Variants in LRRTM4 observed in about 807,000 individuals in gnomAD.
The protein encoded by LRRTM4 is leucine rich repeat transmembrane neuronal 4.
A neutral mutation model predicts 47.6 loss-of-function variants in LRRTM4; 25 were observed. The ratio of observed to expected loss-of-function variants is 0.53; its 90% confidence interval spans 0.38 to 0.73. The LOEUF is 0.73. Among genes scored for constraint, LRRTM4 ranks in the 30% least tolerant of loss-of-function variants. The pLI, the probability that LRRTM4 is intolerant of heterozygous loss-of-function variation, is 0.00. For synonymous variants in LRRTM4, 311 were observed against 269.5 expected (o/e 1.15, Z -1.51); for missense variants, 638 against 713.4 (o/e 0.89, Z 1.20).
chr2:77,391,836 A>T (rs1378493850), intron 3 of LRRTM4, among the ~76,000 whole-genome samples: 1 of 151,976 alleles, frequency 6.6e-6, no homozygotes, highest in South Asian at 2.1e-4. Flanking sequence ...ATTAACTGGC[A>T]TTTTCATTAA....
intron 3 of LRRTM4, among the ~76,000 whole-genome samples, chr2:77,209,141 G>A (rs1450166096): frequency 6.6e-6 from 1 of 152,030 alleles, no homozygotes; most frequent in Non-Finnish European, 1.5e-5. Context: ...GACTTTGAAT[G>A]GTTATCAAGA....
intron 3 of LRRTM4, among the ~76,000 whole-genome samples, chr2:77,092,023 G>T (rs1202194115): frequency 6.6e-6 from 1 of 152,012 alleles, no homozygotes; most frequent in East Asian, 1.9e-4. Context: ...ATGTCTGCGT[G>T]CAGCGGCTGC....
At chr2:77,325,262 T>C (rs1425379703) in intron 3 of LRRTM4, among the ~76,000 whole-genome samples, 2 of 152,144 alleles carry the variant, frequency 1.3e-5, no homozygotes, top group Admixed American at 6.6e-5. Flanking sequence ...AAAAAAAAGA[T>C]AGTTGAGCAC....
intron 3 of LRRTM4, among the ~76,000 whole-genome samples, chr2:76,832,644 C>T (rs1671388126): frequency 6.6e-6 from 1 of 151,834 alleles, no homozygotes; most frequent in Non-Finnish European, 1.5e-5. Context: ...ATCTCCATAC[C>T]TAGAGATTGA....
At chr2:77,438,377 G>T (rs997564560) in intron 3 of LRRTM4, among the ~76,000 whole-genome samples, 2 of 146,036 alleles carry the variant, frequency 1.4e-5, no homozygotes, top group African/African-American at 5.1e-5. Flanking sequence ...CTACATTTTC[G>T]CTCTCGATCA....
intron 3 of LRRTM4, among the ~76,000 whole-genome samples, chr2:76,830,218 A>C (rs1490732451): frequency 6.6e-6 from 1 of 152,040 alleles, no homozygotes; most frequent in Non-Finnish European, 1.5e-5. Flanking sequence ...AAGATGTTAC[A>C]TTTTCCTTAC....
At chr2:76,955,717 G>A (rs1675651038) in intron 3 of LRRTM4, among the ~76,000 whole-genome samples, 1 of 151,720 alleles carries the variant, frequency 6.6e-6, no homozygotes, top group African/African-American at 2.4e-5. Context: ...AGAAGAAGAT[G>A]CAGGATCTCA....
Position 77,292,270 on chromosome 2 carries a change from A to C in LRRTM4, c.1551+226048T>G, listed in dbSNP as rs1188175720. ...GGTGGGACTGTAAACTAGTTCAACC[A>C]TTGTGGAAGTCAGTGTGGTGATTCC... On this transcript the variant is annotated intron_variant, in intron 3 of 3. Transcript: ENST00000409884. 4.6e-3 allele frequency among the ~76,000 whole-genome samples: 700 copies of C among 150,564 alleles called. 3 individuals carry two copies. Among genetic ancestry groups the C allele is most frequent in the African/African-American group, 0.016 (640 of 40,836 alleles).
intron 3 of LRRTM4, among the ~76,000 whole-genome samples, chr2:77,305,766 G>A (rs1431875185): frequency 1.3e-5 from 2 of 151,984 alleles, no homozygotes; most frequent in African/African-American, 4.8e-5. Flanking sequence ...TGAGAAATGT[G>A]CAAAGTATTA....
intron 3 of LRRTM4, among the ~76,000 whole-genome samples, chr2:77,016,941 T>C (rs560213818): frequency 4.3e-4 from 66 of 152,180 alleles, no homozygotes; most frequent in African/African-American, 1.4e-3. Context: ...TATTTGCCTG[T>C]AGTTAGGGTC....
At position 76,807,396 on chromosome 2, in the gene LRRTM4, A is replaced by G. The variant is rs1431764509; in HGVS notation, c.1552-58480T>C. ...AAACATTCATTTTATATATATATAT[A>G]TATGTATATACGTATATATATATAT... On this transcript the variant is annotated intron_variant, in intron 3 of 3. Transcript: ENST00000409884. 6.3e-4 allele frequency among the ~76,000 whole-genome samples: 77 copies of G among 121,606 alleles called. 2 individuals are homozygous for G. Among genetic ancestry groups the G allele is most frequent in the Middle Eastern group, 4.2e-3 (1 of 238 alleles). 79.8% of individuals were successfully genotyped at this position (121,606 alleles called of 152,430 possible). A position where few individuals can be genotyped will look rare whatever the true frequency, so the allele number is the denominator to read the frequency against.
chr2:76,813,542 A>G (rs1433429482), intron 3 of LRRTM4, among the ~76,000 whole-genome samples: 4 of 152,140 alleles, frequency 2.6e-5, no homozygotes, highest in African/African-American at 7.2e-5. Context: ...TTTTAAAAAT[A>G]TATAATTTAT....
At chr2:77,032,972 T>C (rs1678714319) in intron 3 of LRRTM4, among the ~76,000 whole-genome samples, 1 of 152,070 alleles carries the variant, frequency 6.6e-6, no homozygotes, top group African/African-American at 2.4e-5. Flanking sequence ...CGTGACACAT[T>C]TGATATTTTA....
intron 3 of LRRTM4, among the ~76,000 whole-genome samples, chr2:77,161,639 T>C (rs1672731724): frequency 6.6e-6 from 1 of 152,108 alleles, no homozygotes; most frequent in Admixed American, 6.6e-5. Flanking sequence ...AAATTTCCAA[T>C]ATATTGGAAA....
At chr2:77,100,079 G>A (rs1670913076) in intron 3 of LRRTM4, among the ~76,000 whole-genome samples, 1 of 151,982 alleles carries the variant, frequency 6.6e-6, no homozygotes, top group Non-Finnish European at 1.5e-5. Context: ...AACATGAAAT[G>A]AATTTTCTGT....
chr2:77,050,772 G>T (rs922736770), intron 3 of LRRTM4, among the ~76,000 whole-genome samples: 18 of 152,176 alleles, frequency 1.2e-4, no homozygotes, highest in African/African-American at 4.3e-4. Context: ...CTGTAAAACG[G>T]AAAAGTAATT....
intron 3 of LRRTM4, among the ~76,000 whole-genome samples, chr2:77,184,905 C>A (rs1673456814): frequency 6.6e-6 from 1 of 152,036 alleles, no homozygotes; most frequent in Non-Finnish European, 1.5e-5. Context: ...ATTTATTCCC[C>A]ATGTTCTTTA....
At chr2:76,896,440 G>A (rs1056398199) in intron 3 of LRRTM4, among the ~76,000 whole-genome samples, 4 of 151,838 alleles carry the variant, frequency 2.6e-5, no homozygotes, top group African/African-American at 9.7e-5. Flanking sequence ...CCAGAGTACT[G>A]CAAATTTTGT....
At chr2:76,865,344 T>A (rs1332554474) in intron 3 of LRRTM4, among the ~76,000 whole-genome samples, 1 of 152,110 alleles carries the variant, frequency 6.6e-6, no homozygotes, top group East Asian at 1.9e-4. Flanking sequence ...TCTCAGGTAG[T>A]GAAAAAGAGT....
Sources: gnomAD v4.1 joint callset for allele counts (sites outside exome capture counted in the v4.1 genomes callset) on GRCh38, gnomAD v4.1.1 for gene constraint, MANE v1.5 for transcripts, NCBI Gene and HGNC (gene_info 2026-07-23, HGNC 2026-07-21) for gene names.